The following ERC2 variants were observed in gnomAD, a reference collection of about 807,000 sequenced individuals.
The protein encoded by ERC2 is ERC protein 2.
Under a neutral mutation model 114.8 loss-of-function variants are expected in ERC2, and 42 were observed. The observed-to-expected ratio is 0.37, with a 90% CI of 0.29 to 0.47. The LOEUF (loss-of-function observed/expected upper bound fraction) is 0.47, where lower values mean the gene tolerates loss of function less well. ERC2 is among the 20% of genes least tolerant of loss of function. The pLI is 0.99. For synonymous variants in ERC2, 454 were observed against 425.5 expected, an observed-to-expected ratio of 1.07 and a Z score of -0.82; for missense variants, 939 against 1,150.7, an observed-to-expected ratio of 0.82 and a Z score of 2.66.
chr3:55,694,272 A>C (rs571865777), intron 16 of ERC2, among the ~76,000 whole-genome samples: 22 of 152,244 alleles, frequency 1.4e-4, no homozygotes, highest in Admixed American at 4.6e-4. Context: ...GAGTTTCTTT[A>C]TTTATGCAAT....
At chr3:56,406,781 A>G (rs1161212440) in intron 2 of ERC2, among the ~76,000 whole-genome samples, 5 of 152,232 alleles carry the variant, frequency 3.3e-5, no homozygotes, top group African/African-American at 1.2e-4. Context: ...CTCAATCTCA[A>G]TAAATGCAAA....
intron 15 of ERC2, among the ~76,000 whole-genome samples, chr3:55,713,124 CTCTG>C (rs1209053855): frequency 0.018 from 1,742 of 99,474 alleles, 34 homozygotes; most frequent in African/African-American, 0.074. Context: ...CTCTCTCTCT[CTCTG>C]TCTCACACAC....
At chr3:56,317,689 A>G in intron 2 of ERC2, among the ~76,000 whole-genome samples, 1 of 152,234 alleles carries the variant, frequency 6.6e-6, no homozygotes, top group East Asian at 1.9e-4. Flanking sequence ...GGATATAACA[A>G]TGAGCGAGAC....
chr3:55,628,110 C>T lies in ERC2; in HGVS notation c.*39+55684G>A, dbSNP rs189880412. Reference sequence around the variant, plus strand: ...GTCTCTTTGTATCTATAGTTATACCCCCATTTTTCTTCCCAAGGAAGCATT... The same window carrying T: ...GTCTCTTTGTATCTATAGTTATACCTCCATTTTTCTTCCCAAGGAAGCATT... On this transcript the variant is annotated intron_variant, in intron 17 of 17. Transcript: ENST00000288221. Among the ~76,000 whole-genome samples the T allele has an allele frequency of 2.0e-4, 30 of 152,180 alleles. No individual in the cohort carries two copies. The East Asian group carries it at 5.0e-3, about 25-fold the overall frequency.
chr3:56,248,269 T>C (rs187567436), intron 3 of ERC2, among the ~76,000 whole-genome samples: 2 of 151,916 alleles, frequency 1.3e-5, no homozygotes, highest in South Asian at 4.2e-4. Flanking sequence ...ATTTAAAAAA[T>C]TTTTTTTACA....
intron 13 of ERC2, among the ~76,000 whole-genome samples, chr3:55,923,143 A>T (rs1243673424): frequency 2.6e-5 from 4 of 152,184 alleles, no homozygotes; most frequent in Non-Finnish European, 5.9e-5. Context: ...TGTCTATTGA[A>T]GATGAATGAA....
chr3:56,039,010 T>G (rs2074977839), intron 7 of ERC2, among the ~76,000 whole-genome samples: 1 of 152,168 alleles, frequency 6.6e-6, no homozygotes, highest in African/African-American at 2.4e-5. Flanking sequence ...GATGGATTGA[T>G]AGGGCAGCCA....
chr3:56,254,063 G>C (rs2150240786), intron 3 of ERC2, among the ~76,000 whole-genome samples: 1 of 152,352 alleles, frequency 6.6e-6, no homozygotes, highest in African/African-American at 2.4e-5. Context: ...CTAAAGTATT[G>C]TCAGTTAGTT....
At chr3:55,614,159 A>G (rs1259922222) in intron 17 of ERC2, among the ~76,000 whole-genome samples, 2 of 152,134 alleles carry the variant, frequency 1.3e-5, no homozygotes, top group East Asian at 3.9e-4. Context: ...GATCTACTGG[A>G]AAGGTATCTG....
intron 15 of ERC2, among the ~76,000 whole-genome samples, chr3:55,700,485 G>A (rs182394654): frequency 1.3e-5 from 2 of 152,300 alleles, no homozygotes; most frequent in African/African-American, 2.4e-5. Flanking sequence ...CTCTTTCCTC[G>A]GGGTTGCCGC....
chr3:55,655,932 T>C (rs1347982579), intron 17 of ERC2, among the ~76,000 whole-genome samples: 1 of 152,186 alleles, frequency 6.6e-6, no homozygotes, highest in Non-Finnish European at 1.5e-5. Context: ...GATCCTATTA[T>C]TTTCTTCATG....
intron 3 of ERC2, among the ~76,000 whole-genome samples, chr3:56,275,624 G>A (rs1037517062): frequency 9.9e-5 from 15 of 152,210 alleles, no homozygotes; most frequent in Non-Finnish European, 2.1e-4. Flanking sequence ...GTGTCCACAG[G>A]TCTCTTGAAG....
In ERC2 at chr3:56,082,731, C is replaced by T. The variant is rs2077303693; in HGVS notation, c.1474-1747G>A. Among the ~76,000 whole-genome samples, 2 of 151,998 alleles carry T rather than the reference C, an allele frequency of 1.3e-5. 1 individual carries two copies. Among genetic ancestry groups the T allele is most frequent in the South Asian group, 4.2e-4 (2 of 4,808 alleles). ...AATAAGATCATATGGAACAGGGGTCCCCAACCCTTGGACCAGTTCCGGTCC... is the reference window on the plus strand; with the variant it reads ...AATAAGATCATATGGAACAGGGGTCTCCAACCCTTGGACCAGTTCCGGTCC... On this transcript the variant is annotated intron_variant, in intron 6 of 17. Coordinates refer to ENST00000288221, the MANE Select transcript of ERC2 (RefSeq NM_015576.3).
intron 3 of ERC2, among the ~76,000 whole-genome samples, chr3:56,213,736 C>T (rs1044009275): frequency 6.6e-6 from 1 of 152,172 alleles, no homozygotes; most frequent in Non-Finnish European, 1.5e-5. Context: ...GTCCCTGACT[C>T]CCGAGTAGCG....
At chr3:56,397,837 G>C (rs1044845486) in intron 2 of ERC2, among the ~76,000 whole-genome samples, 1 of 152,188 alleles carries the variant, frequency 6.6e-6, no homozygotes. Flanking sequence ...ACTCCGCCAT[G>C]CATGGCCTCA....
intron 17 of ERC2, among the ~76,000 whole-genome samples, chr3:55,592,040 CTGGGGCTGT>C (rs2057916606): frequency 6.6e-6 from 1 of 152,158 alleles, no homozygotes; most frequent in African/African-American, 2.4e-5. Context: ...GGTGAGGATT[CTGGGGCTGT>C]TTCAGTGTGT....
chr3:56,406,026 G>A (rs555815840), intron 2 of ERC2, among the ~76,000 whole-genome samples: 2 of 151,346 alleles, frequency 1.3e-5, no homozygotes, highest in South Asian at 4.2e-4. Context: ...CCTAGTGGCT[G>A]AGACTACAAG....
At chr3:56,153,613 G>A (rs753838102) in intron 4 of ERC2, among the ~76,000 whole-genome samples, 2 of 152,164 alleles carry the variant, frequency 1.3e-5, no homozygotes, top group African/African-American at 4.8e-5. Context: ...ATCTTTGCTA[G>A]TCAGGATGCC....
chr3:55,810,392 A>G (rs570359482), intron 14 of ERC2, among the ~76,000 whole-genome samples: 10 of 152,010 alleles, frequency 6.6e-5, no homozygotes, highest in Non-Finnish European at 1.5e-4. Context: ...ACATCCTAAA[A>G]TGAATGCACA....
Sources: allele counts gnomAD v4.1 joint callset (sites outside exome capture counted in the v4.1 genomes callset), GRCh38; gene constraint gnomAD v4.1.1; transcripts MANE v1.5; gene names NCBI Gene and HGNC (gene_info 2026-07-23, HGNC 2026-07-21).